PTPRD: variants seen among roughly 807,000 people sequenced by gnomAD.
The protein encoded by PTPRD is protein tyrosine phosphatase receptor type D, also known as receptor-type tyrosine-protein phosphatase delta.
A neutral mutation model predicts 214.5 loss-of-function variants in PTPRD; 34 were observed. That is an observed-to-expected ratio of 0.16 (90% confidence interval 0.12 to 0.21). The LOEUF is 0.21. PTPRD is among the 10% of genes least tolerant of loss of function. PTPRD has a pLI of 1.00. For missense variants in PTPRD, 2,545 were observed against 2,398.7 expected (o/e 1.06, Z -1.27); for synonymous variants, 1,128 against 845.7 (o/e 1.33, Z -5.79).
At chr9:9,087,514 G>A (rs1308473449) in intron 10 of PTPRD, among the ~76,000 whole-genome samples, 1 of 152,072 alleles carries the variant, frequency 6.6e-6, no homozygotes, top group Non-Finnish European at 1.5e-5. Flanking sequence ...GGAGGAAAAA[G>A]AACTAAGAAC....
intron 4 of PTPRD, among the ~76,000 whole-genome samples, chr9:9,998,609 T>C (rs1312195726): frequency 6.6e-6 from 1 of 152,026 alleles, no homozygotes; most frequent in East Asian, 1.9e-4. Context: ...TTTAGCTGTT[T>C]ACACTCAACA....
intron 9 of PTPRD, among the ~76,000 whole-genome samples, chr9:9,226,083 T>C (rs2099959287): frequency 6.6e-6 from 1 of 151,984 alleles, no homozygotes; most frequent in African/African-American, 2.4e-5. Context: ...TATCTAAAAA[T>C]GAATTGACGT....
intron 9 of PTPRD, among the ~76,000 whole-genome samples, chr9:9,319,137 T>C (rs1261597738): frequency 6.6e-6 from 1 of 152,202 alleles, no homozygotes; most frequent in African/African-American, 2.4e-5. Context: ...ATAAAAATGT[T>C]TCACTTCAGC....
intron 8 of PTPRD, among the ~76,000 whole-genome samples, chr9:9,433,153 A>T (rs1191522761): frequency 2.0e-5 from 3 of 152,220 alleles, no homozygotes; most frequent in Non-Finnish European, 4.4e-5. Context: ...AAGCAAACAC[A>T]TGCTTTATCC....
chr9:8,395,784 C>T (rs984866962), intron 36 of PTPRD, among the ~76,000 whole-genome samples: 2 of 151,986 alleles, frequency 1.3e-5, no homozygotes, highest in Non-Finnish European at 2.9e-5. Context: ...TCCATACCCC[C>T]ACACTGCTGA....
chr9:10,535,782 A>G (rs113546933), intron 2 of PTPRD, among the ~76,000 whole-genome samples: 4 of 152,264 alleles, frequency 2.6e-5, no homozygotes, highest in African/African-American at 7.2e-5. Context: ...GAAAATTGAT[A>G]TCTAGCCTTG....
At position 9,174,809 on chromosome 9, in the gene PTPRD, C is replaced by T. The variant is rs535114518; in HGVS notation, c.-143+8495G>A. ...TATAAATTTGGAACCATTTAATGTG[C>T]TAATGATTTTCTTTTTTTTAAGACC... On this transcript the variant is annotated intron_variant, in intron 10 of 45. Coordinates refer to ENST00000381196, the MANE Select transcript of PTPRD (RefSeq NM_002839.4). Among the ~76,000 whole-genome samples the T allele has an allele frequency of 1.2e-3, 182 of 152,062 alleles. 1 individual carries two copies. Among genetic ancestry groups the T allele is most frequent in the African/African-American group, 1.3e-3 (55 of 41,470 alleles).
intron 14 of PTPRD, among the ~76,000 whole-genome samples, chr9:8,592,247 C>T (rs918527066): frequency 3.3e-5 from 5 of 152,162 alleles, no homozygotes; most frequent in Non-Finnish European, 7.4e-5. Context: ...CAAACAACTA[C>T]TCAGACTCAA....
At chr9:10,316,706 A>G (rs1222922982) in intron 3 of PTPRD, among the ~76,000 whole-genome samples, 1 of 151,926 alleles carries the variant, frequency 6.6e-6, no homozygotes, top group Non-Finnish European at 1.5e-5. Flanking sequence ...TTTTCCACAT[A>G]TAGTACTAAC....
intron 2 of PTPRD, among the ~76,000 whole-genome samples, chr9:10,527,009 G>A (rs923802985): frequency 6.6e-6 from 1 of 152,072 alleles, no homozygotes; most frequent in Non-Finnish European, 1.5e-5. Context: ...GCTCCAAGGA[G>A]TCTTATTTAA....
intron 14 of PTPRD, among the ~76,000 whole-genome samples, chr9:8,607,172 T>G (rs1388960360): frequency 6.6e-6 from 1 of 152,120 alleles, no homozygotes; most frequent in Non-Finnish European, 1.5e-5. Flanking sequence ...AGGGCGGATA[T>G]AAAGAATTCT....
chr9:9,009,224 T>C (rs953124481), intron 11 of PTPRD, among the ~76,000 whole-genome samples: 3 of 152,090 alleles, frequency 2.0e-5, no homozygotes, highest in African/African-American at 7.2e-5. Context: ...ATCAAAATCT[T>C]ACCAAAAATT....
chr9:9,817,048 G>A (rs1469733470), intron 5 of PTPRD, among the ~76,000 whole-genome samples: 2 of 152,100 alleles, frequency 1.3e-5, no homozygotes, highest in East Asian at 1.9e-4. Flanking sequence ...ATTACCAGCT[G>A]TCAAAAAAAT....
chr9:9,620,923 C>T (rs1291037563), intron 7 of PTPRD, among the ~76,000 whole-genome samples: 1 of 151,572 alleles, frequency 6.6e-6, no homozygotes, highest in East Asian at 1.9e-4. Flanking sequence ...GGTACTTGGC[C>T]AACGAGGTAA....
intron 9 of PTPRD, among the ~76,000 whole-genome samples, chr9:9,369,097 T>G (rs1367547533): frequency 6.6e-6 from 1 of 152,068 alleles, no homozygotes; most frequent in African/African-American, 2.4e-5. Context: ...GAACTCATCC[T>G]TTTTTATGGC....
intron 10 of PTPRD, among the ~76,000 whole-genome samples, chr9:9,040,155 G>C (rs1400730777): frequency 6.6e-6 from 1 of 152,166 alleles, no homozygotes; most frequent in African/African-American, 2.4e-5. Flanking sequence ...AGGGGAAAGG[G>C]CTATGAAACT....
rs573546309 is a variant in PTPRD, at chr9:8,876,128, T to C, written c.-103-142182A>G. 5.3e-5 allele frequency among the ~76,000 whole-genome samples: 8 copies of C among 152,320 alleles called. 1 individual carries two copies. The highest frequency in any genetic ancestry group is 1.9e-4 in the African/African-American group (8 of 41,570). ...AGCATATAATTAAGATAATAGAGCA[T>C]AGAATTGGCCTGATTTTGTGTTTCC... On this transcript the variant is annotated intron_variant, in intron 11 of 45. Coordinates refer to ENST00000381196, the MANE Select transcript of PTPRD (RefSeq NM_002839.4).
chr9:8,771,398 G>C (rs907008320), intron 11 of PTPRD, among the ~76,000 whole-genome samples: 2 of 152,138 alleles, frequency 1.3e-5, no homozygotes, highest in African/African-American at 4.8e-5. Context: ...ACCAAGGAAA[G>C]TGTTTTATTC....
At chr9:8,645,276 G>C (rs1016929391) in intron 12 of PTPRD, among the ~76,000 whole-genome samples, 1 of 152,140 alleles carries the variant, frequency 6.6e-6, no homozygotes, top group Non-Finnish European at 1.5e-5. Flanking sequence ...AGATTACGAT[G>C]TCTGACCAAG....
Sources: gnomAD v4.1 joint callset for allele counts (sites outside exome capture counted in the v4.1 genomes callset) on GRCh38, gnomAD v4.1.1 for gene constraint, MANE v1.5 for transcripts, NCBI Gene and HGNC (gene_info 2026-07-23, HGNC 2026-07-21) for gene names.